Variants in NOX4 observed in about 807,000 individuals in gnomAD.
NOX4 encodes NADPH oxidase 4.
NOX4 carries 69 observed loss-of-function variants against 87.6 expected under a neutral mutation model. The observed-to-expected ratio is 0.79, with a 90% confidence interval of 0.65 to 0.96. The LOEUF is 0.96. Ranked by LOEUF, NOX4 falls within the 40% of genes least tolerant of loss-of-function variation. The pLI is 0.00. For missense variants in NOX4, 680 were observed against 681.5 expected, an observed-to-expected ratio of 1.00 and a Z score of 0.02; for synonymous variants, 275 against 238.2, an observed-to-expected ratio of 1.15 and a Z score of -1.42.
chr11:89,507,177 G>C, the NOX4 span, among the ~76,000 whole-genome samples: 3 of 151,804 alleles, frequency 2.0e-5, no homozygotes, highest in African/African-American at 7.3e-5. Flanking sequence ...GTTATAGAGG[G>C]ATTACAAAAA....
chr11:89,422,047 A>C, intron 7 of NOX4, 65 bp from the exon 8 acceptor site: 1 of 842,664 alleles, frequency 1.2e-6, no homozygotes, highest in Non-Finnish European at 1.9e-6. Context: ...AATATCAAAA[A>C]TACCATGTAT....
the NOX4 span, among the ~76,000 whole-genome samples, chr11:89,588,230 C>A: frequency 2.0e-5 from 3 of 152,108 alleles, no homozygotes; most frequent in Non-Finnish European, 4.4e-5. Context: ...ATGTTCATAG[C>A]AAAGAACATG....
the NOX4 span, among the ~76,000 whole-genome samples, chr11:89,516,974 TTCC>T: frequency 7.5e-5 from 10 of 133,428 alleles, no homozygotes; most frequent in East Asian, 2.3e-4. Context: ...TCCTCCTCTC[TTCC>T]TCCTCCTCCT....
chr11:89,411,194 G>T lies in NOX4; in HGVS notation c.630-8652C>A, dbSNP rs540251085. Among the ~76,000 whole-genome samples the T allele has an allele frequency of 2.7e-4, 41 of 152,256 alleles. 1 individual carries two copies. In the South Asian group the frequency reaches 4.6e-3, roughly 17 times the overall value. ...AGATTAATCATCTTCTGACTAAAGA[G>T]CCATTGGCCCTTGAATAACCAGCAG... On this transcript the variant is annotated intron_variant, in intron 8 of 17. Transcript: ENST00000263317.
Position 89,444,221 on chromosome 11 carries a change from C to T in NOX4, c.361G>A (p.Ala121Thr), listed in dbSNP as rs775260926. Reference sequence around the variant, plus strand: ...TTGAGGGCATTCACCAGATGGGCAGCCACATGCACGCCTACAGAATTACAC... The same window carrying T: ...TTGAGGGCATTCACCAGATGGGCAGTCACATGCACGCCTACAGAATTACAC... ...TICIFSGVHV[A>T]AHLVNALNFS... Residue 121 changes from alanine (A) to threonine (T), a missense_variant, in exon 5 of 18, where the codon GCT becomes ACT. By Grantham distance (58) the Ala-to-Thr change is moderately conservative (BLOSUM62 0). Transcript: ENST00000263317. 1.9e-6 allele frequency: 3 copies of T among 1,613,176 alleles called. No individual in the cohort carries two copies. The highest frequency in any genetic ancestry group is 2.7e-5 in the African/African-American group (2 of 74,840).
At chr11:89,555,800 A>G in the NOX4 span, among the ~76,000 whole-genome samples, 1 of 152,182 alleles carries the variant, frequency 6.6e-6, no homozygotes, top group Non-Finnish European at 1.5e-5. Flanking sequence ...GAGAGAGCCG[A>G]TATGTATTAT....
At chr11:89,420,014 G>T (rs2135257745) in intron 8 of NOX4, among the ~76,000 whole-genome samples, 1 of 152,078 alleles carries the variant, frequency 6.6e-6, no homozygotes, top group South Asian at 2.1e-4. Flanking sequence ...AAGCAGTAAA[G>T]ATAAAGGCAT....
At chr11:89,451,716 C>T (rs1944969340) in intron 3 of NOX4, 69 bp downstream of exon 3, 7 of 1,086,576 alleles carry the variant, frequency 6.4e-6, no homozygotes, top group Non-Finnish European at 9.9e-6. Flanking sequence ...GAAAAGTAAA[C>T]AAACTAACAT....
the NOX4 span, among the ~76,000 whole-genome samples, chr11:89,534,926 G>A: frequency 6.6e-6 from 1 of 152,166 alleles, no homozygotes; most frequent in African/African-American, 2.4e-5. Flanking sequence ...TATCGATTCT[G>A]AGGAAGAATT....
At chr11:89,444,314 T>A (rs1465546877) in intron 4 of NOX4, 82 bp from the exon 5 acceptor site, 1 of 1,128,788 alleles carries the variant, frequency 8.9e-7, no homozygotes, top group South Asian at 1.3e-5. Flanking sequence ...TCTCCCTAAG[T>A]AAATACAGGG....
chr11:89,461,074 C>T (rs916080627), intron 2 of NOX4, among the ~76,000 whole-genome samples: 2 of 151,966 alleles, frequency 1.3e-5, no homozygotes, highest in Non-Finnish European at 2.9e-5. Context: ...AACCAAACAC[C>T]GCATGTTCTC....
the NOX4 span, among the ~76,000 whole-genome samples, chr11:89,539,512 C>T: frequency 2.6e-5 from 4 of 152,100 alleles, no homozygotes; most frequent in African/African-American, 9.7e-5. Context: ...TATGGCAGAC[C>T]AAACTGACTG....
In NOX4 at chr11:89,400,703, A is replaced by T. The variant is rs534416453; in HGVS notation, c.847-324T>A. ...GTAATGTATATACACAATATATTTA[A>T]TAAAAGAATAAAGGGGAGTTAACAA... On this transcript the variant is annotated intron_variant, in intron 9 of 17. Coordinates refer to ENST00000263317, the MANE Select transcript of NOX4 (RefSeq NM_016931.5). Among the ~76,000 whole-genome samples, 35 of 152,068 alleles carry T rather than the reference A, an allele frequency of 2.3e-4. No individual in the cohort carries two copies. In the South Asian group the frequency reaches 4.8e-3, roughly 21 times the overall value.
intron 11 of NOX4, among the ~76,000 whole-genome samples, chr11:89,377,308 G>A (rs1272734681): frequency 6.6e-6 from 1 of 152,068 alleles, no homozygotes; most frequent in African/African-American, 2.4e-5. Context: ...TGAAAATGTT[G>A]CTGAATCTAT....
At chr11:89,482,104 T>TAAGA (rs928196827) in intron 2 of NOX4, among the ~76,000 whole-genome samples, 3 of 152,054 alleles carry the variant, frequency 2.0e-5, no homozygotes, top group African/African-American at 7.2e-5. Flanking sequence ...AAGGGTTGTG[T>TAAGA]AAGAGCATGT....
At chr11:89,564,776 A>G in the NOX4 span, among the ~76,000 whole-genome samples, 1 of 149,822 alleles carries the variant, frequency 6.7e-6, no homozygotes. Context: ...ATAGTTTCCC[A>G]TCCCAATGTG....
At chr11:89,371,331 T>C (rs1411241261) in intron 12 of NOX4, among the ~76,000 whole-genome samples, 1 of 151,946 alleles carries the variant, frequency 6.6e-6, no homozygotes, top group Non-Finnish European at 1.5e-5. Flanking sequence ...AACTGAACTC[T>C]GAATAGAATG....
At chr11:89,434,927 C>T (rs1248971906) in intron 6 of NOX4, among the ~76,000 whole-genome samples, 4 of 152,012 alleles carry the variant, frequency 2.6e-5, no homozygotes, top group East Asian at 3.9e-4. Context: ...TCACACTATT[C>T]TTCAGTGATA....
At chr11:89,461,043 C>A (rs2135415144) in intron 2 of NOX4, among the ~76,000 whole-genome samples, 1 of 152,220 alleles carries the variant, frequency 6.6e-6, no homozygotes, top group South Asian at 2.1e-4. Flanking sequence ...TCATTCTCAG[C>A]AAACTGTTGC....
Sources: allele counts gnomAD v4.1 joint callset (sites outside exome capture counted in the v4.1 genomes callset), GRCh38; gene constraint gnomAD v4.1.1; transcripts MANE v1.5; gene names NCBI Gene and HGNC (gene_info 2026-07-23, HGNC 2026-07-21).